RAB3B: variants seen among roughly 807,000 people sequenced by gnomAD.
RAB3B encodes RAB3B, member RAS oncogene family.
A neutral mutation model predicts 20.5 loss-of-function variants in RAB3B; 11 were observed. That is an observed-to-expected ratio of 0.54 (90% CI 0.34 to 0.89). The LOEUF (loss-of-function observed/expected upper bound fraction) is 0.89, where lower values mean the gene tolerates loss of function less well. Among genes scored for constraint, RAB3B ranks in the 40% least tolerant of loss-of-function variants. The pLI is 0.02. For synonymous variants in RAB3B, 99 were observed against 106.3 expected (o/e 0.93, Z 0.42); for missense variants, 225 against 280.9 (o/e 0.80, Z 1.42).
At chr1:51,960,770 T>C (rs1380979393) in intron 2 of RAB3B, among the ~76,000 whole-genome samples, 1 of 152,198 alleles carries the variant, frequency 6.6e-6, no homozygotes, top group Non-Finnish European at 1.5e-5. Flanking sequence ...ATTTCTCTGT[T>C]GATGACTCCG....
intron 2 of RAB3B, among the ~76,000 whole-genome samples, chr1:51,939,131 A>G (rs1684454348): frequency 6.6e-6 from 1 of 152,348 alleles, no homozygotes; most frequent in Middle Eastern, 3.4e-3. Flanking sequence ...ACCAACAGCA[A>G]AGGGTTATCA....
At position 51,933,433 on chromosome 1, in the gene RAB3B, C is replaced by T. The variant is rs1299231167; in HGVS notation, c.357G>A (p.Gln119=). ...CATTGTCCCAGGAGTAGGTCTTGAT[C>T]TGAGTAGCCCTAAAATGAGATAGAA... ...SFNAVQDWAT[Q]IKTYSWDNAQ... The change falls in exon 4 of 5, where the codon CAG becomes CAA. Residue 119 remains glutamine, a synonymous_variant. Coordinates refer to ENST00000371655, the MANE Select transcript of RAB3B (RefSeq NM_002867.4). The T allele has an allele frequency of 6.2e-7, 1 of 1,612,076 alleles. No homozygotes were observed. Among genetic ancestry groups the T allele is most frequent in the Middle Eastern group, 1.7e-4 (1 of 6,060 alleles).
chr1:51,922,093 T>C (rs1684179840), intron 4 of RAB3B, among the ~76,000 whole-genome samples: 1 of 152,228 alleles, frequency 6.6e-6, no homozygotes, highest in Admixed American at 6.5e-5. Flanking sequence ...AGGAGGCAGC[T>C]GCTGGCTCAT....
intron 3 of RAB3B, among the ~76,000 whole-genome samples, chr1:51,935,944 G>A (rs1684398443): frequency 6.6e-6 from 1 of 152,188 alleles, no homozygotes; most frequent in African/African-American, 2.4e-5. Flanking sequence ...ACATGCTGAT[G>A]ACACCCTGAA....
At chr1:51,956,098 G>A (rs1684702992) in intron 2 of RAB3B, among the ~76,000 whole-genome samples, 1 of 152,148 alleles carries the variant, frequency 6.6e-6, no homozygotes, top group African/African-American at 2.4e-5. Context: ...GAGGCAGGAG[G>A]CCTGGGTATG....
intron 2 of RAB3B, among the ~76,000 whole-genome samples, chr1:51,965,377 G>A (rs184006152): frequency 6.6e-6 from 1 of 152,142 alleles, no homozygotes; most frequent in Non-Finnish European, 1.5e-5. Context: ...TGGCTGGCCC[G>A]GTGGCTTACG....
At chr1:51,979,868 C>T (rs985033310) in intron 1 of RAB3B, among the ~76,000 whole-genome samples, 1 of 151,120 alleles carries the variant, frequency 6.6e-6, no homozygotes, top group Non-Finnish European at 1.5e-5. Context: ...ACGGTGAAAC[C>T]CCATCTCTAC....
rs1429059376 is a variant in RAB3B at position 51,919,650 on chromosome 1, C to T, written c.*277G>A. 6.0e-6 allele frequency: 2 copies of T among 334,710 alleles called. No individual in the cohort carries two copies. Among genetic ancestry groups the T allele is most frequent in the East Asian group, 4.8e-5 (1 of 20,972 alleles). 20.7% of individuals were successfully genotyped at this position (334,710 alleles called of 1,614,324 possible). On this transcript the variant is annotated 3_prime_UTR_variant, in exon 5 of 5. Coordinates refer to ENST00000371655, the MANE Select transcript of RAB3B (RefSeq NM_002867.4). ...CAGAAAAGAGACTGTTCTCTAAGTC[C>T]CTGTAGTGAATCCCCTTCGTAAAAC...
chr1:51,944,548 T>C (rs1358574803), intron 2 of RAB3B, among the ~76,000 whole-genome samples: 1 of 152,196 alleles, frequency 6.6e-6, no homozygotes, highest in African/African-American at 2.4e-5. Context: ...GATAAAAATA[T>C]GAACATTAAT....
intron 2 of RAB3B, among the ~76,000 whole-genome samples, chr1:51,970,569 T>C (rs1197849222): frequency 6.6e-6 from 1 of 152,102 alleles, no homozygotes; most frequent in Non-Finnish European, 1.5e-5. Flanking sequence ...TGCTCAGCAA[T>C]GCTCATAACC....
intron 3 of RAB3B, among the ~76,000 whole-genome samples, chr1:51,936,618 TC>T (rs1008189557): frequency 2.6e-5 from 4 of 152,120 alleles, no homozygotes; most frequent in African/African-American, 9.7e-5. Context: ...ACATCTGTAC[TC>T]ATTTTCTGGA....
chr1:51,972,720 G>C (rs1000754736), intron 2 of RAB3B, among the ~76,000 whole-genome samples: 5 of 152,130 alleles, frequency 3.3e-5, no homozygotes, highest in African/African-American at 1.2e-4. Context: ...AAGGCAGCCC[G>C]AGGGGAGAGC....
intron 2 of RAB3B, among the ~76,000 whole-genome samples, chr1:51,941,059 TG>T (rs1425531957): frequency 2.5e-4 from 38 of 152,208 alleles, no homozygotes; most frequent in African/African-American, 9.2e-4. Context: ...ATGATTCCCA[TG>T]GGTGGAATCT....
At chr1:51,931,323 C>T (rs992317846) in intron 4 of RAB3B, among the ~76,000 whole-genome samples, 1 of 152,152 alleles carries the variant, frequency 6.6e-6, no homozygotes, top group Non-Finnish European at 1.5e-5. Context: ...GTTCTCTGAT[C>T]CCAGGAGAAT....
At chr1:51,955,707 C>T (rs1411176503) in intron 2 of RAB3B, among the ~76,000 whole-genome samples, 4 of 152,058 alleles carry the variant, frequency 2.6e-5, no homozygotes, top group Non-Finnish European at 5.9e-5. Flanking sequence ...GCCCCAGGGA[C>T]CTATTTCTGA....
At position 51,912,590 on chromosome 1, in the gene RAB3B, TATATATATATAAA is replaced by T. The variant is rs1684020358; in HGVS notation, c.*7324_*7336del. On this transcript the variant is annotated 3_prime_UTR_variant, in exon 5 of 5. Transcript: ENST00000371655. ...ATATATATATATATATATATATATA[TATATATATATAAA>T]AAATGTTACTCCTGTGAGACAGAAT... 1.5e-5 allele frequency: 1 copy of T among 64,674 alleles called. No homozygotes were observed. 4.0% of individuals were successfully genotyped at this position (64,674 alleles called of 1,614,324 possible).
At chr1:51,977,266 C>T in intron 1 of RAB3B, 149 bp from the exon 2 acceptor site, 5 of 637,822 alleles carry the variant, frequency 7.8e-6, no homozygotes, top group Non-Finnish European at 1.4e-5. Flanking sequence ...CACCCCATCA[C>T]TACACCTGCC....
intron 2 of RAB3B, among the ~76,000 whole-genome samples, chr1:51,954,888 G>T (rs1050805967): frequency 1.3e-5 from 2 of 152,244 alleles, no homozygotes; most frequent in Non-Finnish European, 2.9e-5. Context: ...GAGGAAGTAG[G>T]AAGTGAGGCT....
Position 51,914,817 on chromosome 1 carries a change from A to G in RAB3B, c.*5110T>C, listed in dbSNP as rs962508330. On this transcript the variant is annotated 3_prime_UTR_variant, in exon 5 of 5. Transcript: ENST00000371655. ...TCCCCTTCCCCTAAACTGTTGGCAA[A>G]CAAAGTCAAACAAACATTCCTCAGG... 1 of 152,186 alleles carries G rather than the reference A, an allele frequency of 6.6e-6. No homozygotes were observed. Among genetic ancestry groups the G allele is most frequent in the East Asian group, 1.9e-4 (1 of 5,204 alleles). The allele number at this position is 152,186 out of a possible 1,614,324, so 9.4% of individuals were successfully genotyped here. A position where few individuals can be genotyped will look rare whatever the true frequency, so the allele number is the denominator to read the frequency against.
Sources: allele counts gnomAD v4.1 joint callset (sites outside exome capture counted in the v4.1 genomes callset), GRCh38; gene constraint gnomAD v4.1.1; transcripts MANE v1.5; gene names NCBI Gene and HGNC (gene_info 2026-07-23, HGNC 2026-07-21).